The following FSTL5 variants were observed in gnomAD, a reference collection of about 807,000 sequenced individuals.
The protein encoded by FSTL5 is follistatin like 5.
FSTL5 carries 62 observed loss-of-function variants against 89.1 expected under a neutral mutation model. The observed-to-expected ratio is 0.70, with a 90% confidence interval of 0.57 to 0.86. FSTL5 has a LOEUF of 0.86. FSTL5 is among the 40% of genes least tolerant of loss of function. The pLI, the probability that FSTL5 is intolerant of heterozygous loss-of-function variation, is 0.00. For missense variants in FSTL5, 1,057 were observed against 1,001.6 expected, an observed-to-expected ratio of 1.06 and a Z score of -0.75; for synonymous variants, 383 against 346.2, an observed-to-expected ratio of 1.11 and a Z score of -1.18.
chr4:161,550,739 G>A (rs1022260732), intron 8 of FSTL5, among the ~76,000 whole-genome samples: 12 of 150,128 alleles, frequency 8.0e-5, no homozygotes, highest in East Asian at 2.0e-4. Flanking sequence ...CCCCATCCCC[G>A]CACCCCACCA....
intron 3 of FSTL5, among the ~76,000 whole-genome samples, chr4:161,976,314 C>T (rs1735644285): frequency 6.6e-6 from 1 of 151,914 alleles, no homozygotes; most frequent in Non-Finnish European, 1.5e-5. Flanking sequence ...TTTGATGATC[C>T]TTGTATTGAG....
intron 15 of FSTL5, among the ~76,000 whole-genome samples, chr4:161,415,504 A>G (rs2872529): frequency 0.56 from 85,167 of 151,752 alleles, 24,190 homozygotes; most frequent in East Asian, 0.77. Context: ...ATCCACCCGC[A>G]TCAACCTCCC....
intron 10 of FSTL5, among the ~76,000 whole-genome samples, chr4:161,537,881 G>A (rs1731679784): frequency 6.6e-6 from 1 of 152,128 alleles, no homozygotes; most frequent in Non-Finnish European, 1.5e-5. Context: ...TTTTGCAAGA[G>A]ATATAAATTC....
chr4:161,729,576 CA>C (rs1336840147), intron 6 of FSTL5, among the ~76,000 whole-genome samples: 1 of 152,038 alleles, frequency 6.6e-6, no homozygotes, highest in Non-Finnish European at 1.5e-5. Flanking sequence ...TTATTCTTTT[CA>C]GTGGGTTAAA....
intron 7 of FSTL5, among the ~76,000 whole-genome samples, chr4:161,638,325 A>T (rs1399371215): frequency 6.6e-6 from 1 of 151,710 alleles, no homozygotes; most frequent in Non-Finnish European, 1.5e-5. Flanking sequence ...GTATCCTGAG[A>T]CTTTGCTGAA....
At chr4:161,972,018 G>T (rs1735498890) in intron 3 of FSTL5, among the ~76,000 whole-genome samples, 1 of 152,080 alleles carries the variant, frequency 6.6e-6, no homozygotes. Flanking sequence ...GCTACCTGCT[G>T]GTATGCACTC....
At chr4:161,871,595 A>T (rs1470975209) in intron 4 of FSTL5, among the ~76,000 whole-genome samples, 1 of 152,184 alleles carries the variant, frequency 6.6e-6, no homozygotes, top group Non-Finnish European at 1.5e-5. Context: ...ATTATGAGGT[A>T]CATAGGAATT....
intron 6 of FSTL5, among the ~76,000 whole-genome samples, chr4:161,710,654 C>T (rs1343965306): frequency 6.6e-6 from 1 of 152,206 alleles, no homozygotes; most frequent in Non-Finnish European, 1.5e-5. Context: ...ACTTGCCTTT[C>T]TTCCAATTGT....
chr4:162,141,946 A>G (rs1732765641), intron 1 of FSTL5, among the ~76,000 whole-genome samples: 1 of 152,070 alleles, frequency 6.6e-6, no homozygotes, highest in East Asian at 1.9e-4. Context: ...GAAGAGCTTG[A>G]GAGTATTCCA....
At chr4:162,079,852 T>C (rs1730020251) in intron 2 of FSTL5, among the ~76,000 whole-genome samples, 1 of 151,440 alleles carries the variant, frequency 6.6e-6, no homozygotes, top group East Asian at 1.9e-4. Flanking sequence ...TGCTAGAATG[T>C]GGGATGAGGA....
intron 6 of FSTL5, among the ~76,000 whole-genome samples, chr4:161,728,340 G>A (rs1047697055): frequency 6.6e-6 from 1 of 152,094 alleles, no homozygotes; most frequent in African/African-American, 2.4e-5. Flanking sequence ...GGAAACGGGG[G>A]CATTTGGAGT....
intron 4 of FSTL5, among the ~76,000 whole-genome samples, chr4:161,816,610 G>T (rs181097861): frequency 6.6e-6 from 1 of 152,246 alleles, no homozygotes; most frequent in East Asian, 1.9e-4. Flanking sequence ...AACTCTTTCT[G>T]AGAAATTAAA....
chr4:161,992,407 G>C (rs1736137175), intron 3 of FSTL5, among the ~76,000 whole-genome samples: 1 of 152,138 alleles, frequency 6.6e-6, no homozygotes, highest in African/African-American at 2.4e-5. Flanking sequence ...CGGGAAATGT[G>C]ATGAGTTAAA....
chr4:161,817,047 CAT>C (rs1730346117), intron 4 of FSTL5, among the ~76,000 whole-genome samples: 2 of 152,132 alleles, frequency 1.3e-5, no homozygotes, highest in African/African-American at 4.8e-5. Flanking sequence ...AGCAAATTGA[CAT>C]ATCACATATA....
chr4:161,880,516 C>G (rs114794312), intron 4 of FSTL5, among the ~76,000 whole-genome samples: 1,683 of 152,174 alleles, frequency 0.011, 37 homozygotes, highest in African/African-American at 0.039. Flanking sequence ...TTAACGTATA[C>G]TTTCTTGACC....
At chr4:161,645,145 T>C (rs916375505) in intron 7 of FSTL5, among the ~76,000 whole-genome samples, 1 of 152,074 alleles carries the variant, frequency 6.6e-6, no homozygotes, top group Admixed American at 6.6e-5. Context: ...ATAGCAGTTG[T>C]AGCCATGAGC....
At chr4:161,807,688 T>A (rs1040238809) in intron 4 of FSTL5, among the ~76,000 whole-genome samples, 1 of 152,138 alleles carries the variant, frequency 6.6e-6, no homozygotes, top group Non-Finnish European at 1.5e-5. Flanking sequence ...TATTTAGAAA[T>A]ATAAATGATT....
intron 4 of FSTL5, among the ~76,000 whole-genome samples, chr4:161,867,770 G>T (rs904533798): frequency 1.3e-5 from 2 of 151,632 alleles, no homozygotes; most frequent in African/African-American, 4.8e-5. Flanking sequence ...CACATTCTAA[G>T]ATGGTCTTTC....
intron 15 of FSTL5, among the ~76,000 whole-genome samples, chr4:161,416,897 T>C (rs766867982): frequency 2.6e-5 from 4 of 151,692 alleles, no homozygotes; most frequent in Non-Finnish European, 4.4e-5. Context: ...CCATTATTGA[T>C]GCAATTTCTA....
Sources: gnomAD v4.1 joint callset for allele counts (sites outside exome capture counted in the v4.1 genomes callset) on GRCh38, gnomAD v4.1.1 for gene constraint, MANE v1.5 for transcripts, NCBI Gene and HGNC (gene_info 2026-07-23, HGNC 2026-07-21) for gene names.